The following TOGARAM1 variants were observed in gnomAD, a reference collection of about 807,000 sequenced individuals.
TOGARAM1 encodes the protein TOG array regulator of axonemal microtubules 1, also known as TOG array regulator of axonemal microtubules protein 1.
Under a neutral mutation model 166.6 loss-of-function variants are expected in TOGARAM1, and 100 were observed. That is an observed-to-expected ratio of 0.60 (90% CI 0.51 to 0.71). TOGARAM1 has a LOEUF of 0.71. Among genes scored for constraint, TOGARAM1 ranks in the 30% least tolerant of loss-of-function variants. The pLI is 0.00. For missense variants in TOGARAM1, 2,029 were observed against 2,102.7 expected (o/e 0.96, Z 0.69); for synonymous variants, 758 against 763.8 (o/e 0.99, Z 0.13).
intron 11 of TOGARAM1, among the ~76,000 whole-genome samples, chr14:45,040,514 GGAA>G (rs1408387280): frequency 1.3e-5 from 2 of 151,548 alleles, no homozygotes; most frequent in African/African-American, 4.8e-5. Flanking sequence ...GCAGGTTCTT[GGAA>G]GAAGATCAAT....
At chr14:45,044,937 A>T in intron 13 of TOGARAM1, 67 bp downstream of exon 13, 1 of 1,197,104 alleles carries the variant, frequency 8.4e-7, no homozygotes. Flanking sequence ...GGGACTGTAG[A>T]AAAGAAACAA....
chr14:44,973,383 A>G (rs1886000409), intron 1 of TOGARAM1, among the ~76,000 whole-genome samples: 1 of 151,892 alleles, frequency 6.6e-6, no homozygotes, highest in Non-Finnish European at 1.5e-5. Context: ...GAATATTTGT[A>G]ATTTCTTCCT....
chr14:45,023,854 C>A (rs1880671622), intron 7 of TOGARAM1, among the ~76,000 whole-genome samples: 1 of 152,158 alleles, frequency 6.6e-6, no homozygotes, highest in African/African-American at 2.4e-5. Context: ...GATTCTCCTG[C>A]CTCAGCCTCA....
At position 44,995,655 on chromosome 14, in the gene TOGARAM1, G is replaced by C. The variant is rs1887376706; in HGVS notation, c.2047-91G>C. 1.4e-5 allele frequency: 13 copies of C among 900,026 alleles called. No homozygotes were observed. The South Asian group carries it at 1.8e-4, about 12-fold the overall frequency. The allele number at this position is 900,026 out of a possible 1,614,324, so 55.8% of individuals were successfully genotyped here. A position where few individuals can be genotyped will look rare whatever the true frequency, so the allele number is the denominator to read the frequency against. On this transcript the variant is annotated intron_variant, in intron 1 of 19. Coordinates refer to ENST00000361462, the MANE Select transcript of TOGARAM1 (RefSeq NM_001308120.2). ...GATAAATTAAAATTTATTCTAACCT[G>C]AATTTCATAATTGGATCTAAGTTAT...
chr14:44,996,706 A>G (rs2138812136), intron 2 of TOGARAM1: 1 of 152,858 alleles, frequency 6.5e-6, no homozygotes, highest in Admixed American at 6.5e-5. Flanking sequence ...TAATTGGCTC[A>G]TGGTTCTATG....
chr14:45,038,276 T>C (rs1273351025), intron 11 of TOGARAM1, among the ~76,000 whole-genome samples: 2 of 152,224 alleles, frequency 1.3e-5, no homozygotes, highest in Non-Finnish European at 2.9e-5. Flanking sequence ...GAAACCTCTG[T>C]GGCCAGTGCT....
chr14:44,987,093 C>T (rs113257228), intron 1 of TOGARAM1, among the ~76,000 whole-genome samples: 7,813 of 151,582 alleles, frequency 0.052, 676 homozygotes, highest in African/African-American at 0.18. Flanking sequence ...TTTTAGCCTG[C>T]CACCACACCC....
intron 3 of TOGARAM1, among the ~76,000 whole-genome samples, chr14:45,003,284 C>T (rs1414581346): frequency 2.0e-5 from 3 of 151,272 alleles, no homozygotes; most frequent in African/African-American, 4.9e-5. Context: ...TATTTTGTCA[C>T]GGAAAACATT....
chr14:45,032,625 C>T (rs74046549), intron 11 of TOGARAM1, among the ~76,000 whole-genome samples: 1,757 of 152,164 alleles, frequency 0.012, 38 homozygotes, highest in African/African-American at 0.039. Context: ...ATTATGTAAA[C>T]CCTTTGATAA....
chr14:45,054,571 C>T (rs1594697160), intron 16 of TOGARAM1, 22 bp downstream of exon 16: 1 of 1,511,862 alleles, frequency 6.6e-7, no homozygotes, highest in Non-Finnish European at 9.1e-7. Context: ...TAATAGTCCT[C>T]ATCAGAGAAA....
At chr14:45,004,419 A>G in intron 4 of TOGARAM1, 53 bp downstream of exon 4, 1 of 1,455,076 alleles carries the variant, frequency 6.9e-7, no homozygotes, top group Non-Finnish European at 9.5e-7. Context: ...AGTACTTTGA[A>G]GTTAATGCAT....
intron 11 of TOGARAM1, among the ~76,000 whole-genome samples, chr14:45,036,811 G>T (rs1030787599): frequency 6.6e-6 from 1 of 152,150 alleles, no homozygotes; most frequent in South Asian, 2.1e-4. Context: ...TTTCATTTTT[G>T]TATTAGTCCG....
At chr14:44,991,969 GGT>G in intron 1 of TOGARAM1, among the ~76,000 whole-genome samples, 1 of 149,744 alleles carries the variant, frequency 6.7e-6, no homozygotes. Flanking sequence ...CAGGCATGGT[GGT>G]GTGATCCTAT....
At chr14:45,067,281 C>G (rs1594708912) in intron 17 of TOGARAM1, among the ~76,000 whole-genome samples, 2 of 151,986 alleles carry the variant, frequency 1.3e-5, no homozygotes, top group Non-Finnish European at 2.9e-5. Flanking sequence ...TCTCAGAGCT[C>G]TCAGAACCTG....
intron 1 of TOGARAM1, among the ~76,000 whole-genome samples, chr14:44,990,953 CTTTTT>C (rs1171702041): frequency 1.3e-5 from 1 of 74,198 alleles, no homozygotes; most frequent in Non-Finnish European, 2.3e-5. Flanking sequence ...CCAGCTGAGG[CTTTTT>C]TTTTTTTTTT....
intron 1 of TOGARAM1, among the ~76,000 whole-genome samples, chr14:44,968,282 C>T (rs1404186097): frequency 1.3e-5 from 2 of 152,102 alleles, no homozygotes; most frequent in Admixed American, 6.5e-5. Flanking sequence ...TATTTTGAGA[C>T]GGAGTTTCAC....
At chr14:45,007,942 T>C (rs1229437497) in intron 5 of TOGARAM1, 1 of 152,208 alleles carries the variant, frequency 6.6e-6, no homozygotes, top group Non-Finnish European at 1.5e-5. Flanking sequence ...GTGGTAGGAC[T>C]AGGATTCAAG....
chr14:45,007,757 A>G (rs1182874793), intron 5 of TOGARAM1: 2 of 152,194 alleles, frequency 1.3e-5, no homozygotes, highest in Non-Finnish European at 2.9e-5. Context: ...CATGTGCTTA[A>G]TGTGCTTAAT....
At chr14:45,055,832 TA>T (rs1443784374) in intron 16 of TOGARAM1, among the ~76,000 whole-genome samples, 1 of 145,072 alleles carries the variant, frequency 6.9e-6, no homozygotes, top group Admixed American at 6.8e-5. Flanking sequence ...TTGCTTTGGC[TA>T]CTTGGGCTCT....
Sources: gnomAD v4.1 joint callset for allele counts (sites outside exome capture counted in the v4.1 genomes callset) on GRCh38, gnomAD v4.1.1 for gene constraint, MANE v1.5 for transcripts, NCBI Gene and HGNC (gene_info 2026-07-23, HGNC 2026-07-21) for gene names.